XKR9: variants seen among roughly 807,000 people sequenced by gnomAD.
XKR9 encodes XK-related protein 9.
A neutral mutation model predicts 32.0 loss-of-function variants in XKR9; 32 were observed. The ratio of observed to expected loss-of-function variants is 1.00; its 90% CI spans 0.76 to 1.34. The LOEUF (loss-of-function observed/expected upper bound fraction) is 1.34. XKR9 is among the 40% of genes most tolerant of loss of function. The pLI, the probability that XKR9 is intolerant of heterozygous loss-of-function variation, is 0.00. For synonymous variants in XKR9, 168 were observed against 143.4 expected (o/e 1.17, Z -1.22); for missense variants, 546 against 429.7 (o/e 1.27, Z -2.39).
the XKR9 span, among the ~76,000 whole-genome samples, chr8:70,906,972 G>T: frequency 6.6e-6 from 1 of 152,220 alleles, no homozygotes; most frequent in African/African-American, 2.4e-5. Flanking sequence ...CCACTACCAA[G>T]ATATAATTCC....
At chr8:70,995,622 A>T in the XKR9 span, among the ~76,000 whole-genome samples, 2 of 152,170 alleles carry the variant, frequency 1.3e-5, no homozygotes, top group South Asian at 4.1e-4. Context: ...ATATGTTGTT[A>T]TGGGAATTTT....
At chr8:70,752,309 T>C (rs1320587175) in intron 2 of XKR9, among the ~76,000 whole-genome samples, 3 of 152,234 alleles carry the variant, frequency 2.0e-5, no homozygotes, top group Admixed American at 2.0e-4. Context: ...TACCCGAGTC[T>C]TGGTAATTTG....
chr8:70,903,228 T>C, the XKR9 span, among the ~76,000 whole-genome samples: 2 of 152,186 alleles, frequency 1.3e-5, no homozygotes, highest in Admixed American at 6.5e-5. Context: ...CCAGCTCCTC[T>C]TTGTACCTCT....
At chr8:70,850,522 G>T in the XKR9 span, among the ~76,000 whole-genome samples, 6 of 144,702 alleles carry the variant, frequency 4.1e-5, no homozygotes, top group Non-Finnish European at 7.6e-5. Context: ...GATAAACATC[G>T]ATGCAAAAAT....
the XKR9 span, among the ~76,000 whole-genome samples, chr8:70,876,514 C>G: frequency 3.0e-4 from 45 of 151,796 alleles, 1 homozygote; most frequent in African/African-American, 7.3e-5. Context: ...TTAATCTGTC[C>G]AGTGCAAAAA....
chr8:70,697,987 A>T (rs1345752337), intron 3 of XKR9, among the ~76,000 whole-genome samples: 2 of 152,040 alleles, frequency 1.3e-5, no homozygotes, highest in Non-Finnish European at 2.9e-5. Flanking sequence ...TGTTTGTAGT[A>T]TTCTCTGATG....
chr8:70,708,695 G>T (rs892541379), intron 4 of XKR9, among the ~76,000 whole-genome samples: 1 of 152,026 alleles, frequency 6.6e-6, no homozygotes, highest in Non-Finnish European at 1.5e-5. Flanking sequence ...CTGGGTGGAG[G>T]AATTATGAAT....
the XKR9 span, among the ~76,000 whole-genome samples, chr8:71,032,774 C>G: frequency 6.6e-6 from 1 of 152,276 alleles, no homozygotes; most frequent in Non-Finnish European, 1.5e-5. Context: ...GGAAACACTC[C>G]TTTATTTTCC....
chr8:70,891,208 G>C, the XKR9 span, among the ~76,000 whole-genome samples: 37 of 151,158 alleles, frequency 2.4e-4, 1 homozygote, highest in African/African-American at 8.7e-4. Context: ...TCTAGTGAAA[G>C]GTTTCATGCT....
chr8:71,009,200 C>A, the XKR9 span, among the ~76,000 whole-genome samples: 2 of 152,086 alleles, frequency 1.3e-5, no homozygotes, highest in Non-Finnish European at 2.9e-5. Flanking sequence ...GGGAAATGGT[C>A]TATAGCAAGC....
the XKR9 span, among the ~76,000 whole-genome samples, chr8:70,820,003 A>G: frequency 6.6e-5 from 10 of 152,242 alleles, no homozygotes; most frequent in Non-Finnish European, 1.0e-4. Flanking sequence ...CTTATGATGG[A>G]AAGCACTGAT....
the XKR9 span, among the ~76,000 whole-genome samples, chr8:70,970,097 G>A: frequency 1.3e-5 from 2 of 152,150 alleles, no homozygotes; most frequent in Admixed American, 6.6e-5. Context: ...TTATGGCTGA[G>A]TAGTACTCTT....
the XKR9 span, among the ~76,000 whole-genome samples, chr8:70,892,121 C>G: frequency 6.6e-6 from 1 of 151,982 alleles, no homozygotes; most frequent in African/African-American, 2.4e-5. Flanking sequence ...TTTTCCATCC[C>G]TTTACTTTCA....
chr8:70,925,053 G>T, the XKR9 span, among the ~76,000 whole-genome samples: 3 of 152,104 alleles, frequency 2.0e-5, no homozygotes, highest in Admixed American at 2.0e-4. Context: ...GCATCACATT[G>T]TCACATTCAA....
the XKR9 span, among the ~76,000 whole-genome samples, chr8:70,946,466 C>T: frequency 3.9e-5 from 6 of 152,264 alleles, no homozygotes; most frequent in Admixed American, 2.6e-4. Context: ...TCCAGGCGCT[C>T]TGCATACATA....
the XKR9 span, among the ~76,000 whole-genome samples, chr8:70,827,103 A>T: frequency 2.0e-5 from 3 of 152,152 alleles, no homozygotes; most frequent in Non-Finnish European, 4.4e-5. Context: ...GATACCATGA[A>T]GTCACTTGAG....
the XKR9 span, among the ~76,000 whole-genome samples, chr8:71,000,071 C>G: frequency 6.6e-6 from 1 of 152,228 alleles, no homozygotes; most frequent in East Asian, 1.9e-4. Flanking sequence ...ACAATTTATT[C>G]ACATCAAAAG....
At chr8:70,691,667 G>T (rs965015618) in intron 3 of XKR9, among the ~76,000 whole-genome samples, 4 of 152,072 alleles carry the variant, frequency 2.6e-5, no homozygotes, top group African/African-American at 9.7e-5. Context: ...TATTGAATAG[G>T]GATTTTTTTT....
At chr8:70,860,217 T>A in the XKR9 span, among the ~76,000 whole-genome samples, 11 of 152,028 alleles carry the variant, frequency 7.2e-5, no homozygotes, top group Non-Finnish European at 1.5e-4. Context: ...AGTGTGATAG[T>A]ATTTGGAGGT....
Sources: allele counts gnomAD v4.1 joint callset (sites outside exome capture counted in the v4.1 genomes callset), GRCh38; gene constraint gnomAD v4.1.1; transcripts MANE v1.5; gene names NCBI Gene and HGNC (gene_info 2026-07-23, HGNC 2026-07-21).